Variants in RBFOX3 observed in about 807,000 individuals in gnomAD.
RBFOX3 encodes the protein RNA binding protein fox-1 homolog 3.
Under a neutral mutation model 48.7 loss-of-function variants are expected in RBFOX3, and 17 were observed. The ratio of observed to expected loss-of-function variants is 0.35; its 90% CI spans 0.24 to 0.52. RBFOX3 has a LOEUF of 0.52. Ranked by LOEUF, RBFOX3 falls within the 20% of genes least tolerant of loss-of-function variation. The pLI is 0.94. For missense variants in RBFOX3, 382 were observed against 497.5 expected (o/e 0.77, Z 2.21); for synonymous variants, 212 against 209.5 (o/e 1.01, Z -0.10).
rs530975920 is a variant in RBFOX3 at position 79,102,628 on chromosome 17, T to G, written c.507+534A>C. ...GTCAGGGAGGGACCCAGGGCCCCTC[T>G]CCCTGCTCCTCCTTGGGGCCTGGTC... On this transcript the variant is annotated intron_variant, in intron 8 of 14. Coordinates refer to ENST00000693108, the MANE Select transcript of RBFOX3 (RefSeq NM_001350451.2). Among the ~76,000 whole-genome samples the G allele has an allele frequency of 2.7e-3, 406 of 152,276 alleles. 1 individual carries two copies. Among genetic ancestry groups the G allele is most frequent in the Non-Finnish European group, 3.6e-3 (242 of 68,000 alleles).
At chr17:79,547,838 C>A (rs78455136) in intron 1 of RBFOX3, among the ~76,000 whole-genome samples, 1 of 151,910 alleles carries the variant, frequency 6.6e-6, no homozygotes, top group African/African-American at 2.4e-5. Context: ...GTACTCGCAC[C>A]CACACCGATT....
At chr17:79,306,324 G>A (rs558138145) in intron 3 of RBFOX3, among the ~76,000 whole-genome samples, 9 of 152,368 alleles carry the variant, frequency 5.9e-5, no homozygotes, top group African/African-American at 1.7e-4. Context: ...AGCTGACAAC[G>A]CGCCAGGCCA....
At chr17:79,496,365 T>C (rs2081540196) in intron 1 of RBFOX3, among the ~76,000 whole-genome samples, 1 of 152,116 alleles carries the variant, frequency 6.6e-6, no homozygotes, top group African/African-American at 2.4e-5. Context: ...TTTTGTTTTT[T>C]AATGCTCCTG....
At chr17:79,498,136 AGAGAGAAG>A (rs2081832816) in intron 1 of RBFOX3, among the ~76,000 whole-genome samples, 1 of 152,226 alleles carries the variant, frequency 6.6e-6, no homozygotes, top group Admixed American at 6.5e-5. Flanking sequence ...GAGGCCTGGC[AGAGAGAAG>A]GCCTTGCTAT....
At chr17:79,348,163 A>C (rs543955344) in intron 2 of RBFOX3, among the ~76,000 whole-genome samples, 9 of 152,280 alleles carry the variant, frequency 5.9e-5, no homozygotes, top group South Asian at 4.1e-4. Flanking sequence ...TCTGCAGAAA[A>C]GCGGGGAAGT....
chr17:79,173,691 G>A (rs957447784), intron 4 of RBFOX3, among the ~76,000 whole-genome samples: 7 of 152,214 alleles, frequency 4.6e-5, no homozygotes, highest in Non-Finnish European at 1.0e-4. Flanking sequence ...GATGGGGCAG[G>A]GGGCCTGGGA....
chr17:79,581,544 G>A (rs2093060424), intron 1 of RBFOX3, among the ~76,000 whole-genome samples: 2 of 152,254 alleles, frequency 1.3e-5, no homozygotes, highest in Non-Finnish European at 1.5e-5. Flanking sequence ...CATGGCAACA[G>A]AAACACCCCC....
chr17:79,428,473 T>A (rs2067798569), intron 2 of RBFOX3, among the ~76,000 whole-genome samples: 1 of 152,234 alleles, frequency 6.6e-6, no homozygotes, highest in South Asian at 2.1e-4. Flanking sequence ...TAGGCTGGTC[T>A]CAACTTTTTA....
intron 14 of RBFOX3, 121 bp from the exon 15 acceptor site, chr17:79,091,006 C>T: frequency 2.1e-6 from 2 of 966,406 alleles, no homozygotes; most frequent in South Asian, 1.6e-5. Context: ...GCCACACCTG[C>T]CCCCCAGGTT....
intron 12 of RBFOX3, 22 bp downstream of exon 12, chr17:79,096,631 C>T: frequency 1.3e-6 from 2 of 1,515,654 alleles, no homozygotes; most frequent in Non-Finnish European, 1.8e-6. Context: ...CCCACCCTCC[C>T]TCCCGGCGGG....
At chr17:79,388,981 G>A (rs1320356875) in intron 2 of RBFOX3, among the ~76,000 whole-genome samples, 2 of 152,150 alleles carry the variant, frequency 1.3e-5, no homozygotes, top group Admixed American at 6.5e-5. Flanking sequence ...AGCTTCCTTC[G>A]CCTCCTGCAA....
intron 1 of RBFOX3, among the ~76,000 whole-genome samples, chr17:79,564,871 C>A (rs2092393766): frequency 1.3e-5 from 2 of 152,000 alleles, no homozygotes; most frequent in African/African-American, 2.4e-5. Flanking sequence ...GAAACCCCAT[C>A]TTTACTAAAA....
At chr17:79,394,155 T>A (rs1014391597) in intron 2 of RBFOX3, among the ~76,000 whole-genome samples, 1 of 152,124 alleles carries the variant, frequency 6.6e-6, no homozygotes, top group African/African-American at 2.4e-5. Flanking sequence ...CCCGCGCACA[T>A]CATCTGAATC....
chr17:79,129,895 C>T (rs1285344451), intron 4 of RBFOX3, among the ~76,000 whole-genome samples: 4 of 152,308 alleles, frequency 2.6e-5, no homozygotes, highest in South Asian at 2.1e-4. Flanking sequence ...CTGCCCCAGT[C>T]GGGCTCCAAT....
chr17:79,097,529 TCCCCAAGCCCCGCC>T, intron 10 of RBFOX3, 105 bp from the exon 11 acceptor site: 1 of 617,172 alleles, frequency 1.6e-6, no homozygotes, highest in South Asian at 6.4e-5. Flanking sequence ...CCCCAACCCC[TCCCCAAGCCCCGCC>T]CCCGGAGCGC....
At chr17:79,154,988 T>C (rs2045451082) in intron 4 of RBFOX3, among the ~76,000 whole-genome samples, 1 of 151,442 alleles carries the variant, frequency 6.6e-6, no homozygotes, top group Non-Finnish European at 1.5e-5. Context: ...AGCCTCGGCG[T>C]CTGAGGAAGG....
intron 1 of RBFOX3, among the ~76,000 whole-genome samples, chr17:79,498,539 AC>A (rs1451485583): frequency 2.4e-4 from 36 of 148,792 alleles, no homozygotes; most frequent in Non-Finnish European, 4.2e-4. Flanking sequence ...CCATCCATCC[AC>A]TTACCCATCC....
Position 79,101,551 on chromosome 17 carries a change from C to T in RBFOX3, c.568+33G>A, listed in dbSNP as rs1284409598. ...AGGGCCTCTGTCCCAGCCAGTGACC[C>T]CAGCAGCCTTGTGGGGGGACCCAGC... On this transcript the variant is annotated intron_variant, in intron 9 of 14. Transcript: ENST00000693108. 14 of 1,538,910 alleles carry T rather than the reference C, an allele frequency of 9.1e-6. No individual in the cohort carries two copies. In the East Asian group the frequency reaches 3.2e-4, roughly 35 times the overall value.
At chr17:79,634,739 C>T in the RBFOX3 span, among the ~76,000 whole-genome samples, 2 of 152,110 alleles carry the variant, frequency 1.3e-5, no homozygotes, top group African/African-American at 2.4e-5. Flanking sequence ...TTCCCATCCT[C>T]ATGTCCTGGA....
Sources: allele counts gnomAD v4.1 joint callset (sites outside exome capture counted in the v4.1 genomes callset), GRCh38; gene constraint gnomAD v4.1.1; transcripts MANE v1.5; gene names NCBI Gene and HGNC (gene_info 2026-07-23, HGNC 2026-07-21).